The following USP28 variants were observed in gnomAD, a reference collection of about 807,000 sequenced individuals.
USP28 encodes ubiquitin carboxyl-terminal hydrolase 28.
A neutral mutation model predicts 145.0 loss-of-function variants in USP28; 113 were observed. The ratio of observed to expected loss-of-function variants is 0.78; its 90% CI spans 0.67 to 0.91. USP28 has a LOEUF of 0.91. Among genes scored for constraint, USP28 ranks in the 40% least tolerant of loss-of-function variants. The pLI is 0.00. For missense variants in USP28, 1,201 were observed against 1,289.6 expected (o/e 0.93, Z 1.05); for synonymous variants, 447 against 450.9 (o/e 0.99, Z 0.11).
intron 3 of USP28, among the ~76,000 whole-genome samples, chr11:113,846,076 TAAGTGA>T (rs1338622689): frequency 6.6e-6 from 1 of 152,188 alleles, no homozygotes; most frequent in Non-Finnish European, 1.5e-5. Context: ...AAGACATTGG[TAAGTGA>T]AATAAGCCCA....
chr11:113,860,712 G>A (rs888159041), intron 1 of USP28, among the ~76,000 whole-genome samples: 5 of 151,950 alleles, frequency 3.3e-5, no homozygotes, highest in African/African-American at 4.8e-5. Flanking sequence ...CCAGCTACTC[G>A]GGAGGCTGAG....
chr11:113,857,816 CA>C (rs1267288469), intron 1 of USP28, among the ~76,000 whole-genome samples: 21 of 152,116 alleles, frequency 1.4e-4, no homozygotes, highest in African/African-American at 5.1e-4. Flanking sequence ...CAGTGGACAT[CA>C]ATATATCTGG....
intron 5 of USP28, among the ~76,000 whole-genome samples, chr11:113,834,959 C>T (rs1944405032): frequency 1.3e-5 from 2 of 152,026 alleles, no homozygotes; most frequent in South Asian, 4.1e-4. Flanking sequence ...AACAATACTA[C>T]GTATTGTTCA....
At chr11:113,873,641 A>ATGAT (rs1195695913) in intron 1 of USP28, among the ~76,000 whole-genome samples, 3 of 152,212 alleles carry the variant, frequency 2.0e-5, no homozygotes, top group African/African-American at 7.2e-5. Flanking sequence ...CTAAATCAAT[A>ATGAT]TGATAGTCTC....
chr11:113,838,008 A>G (rs1308387575), intron 5 of USP28, among the ~76,000 whole-genome samples: 1 of 151,728 alleles, frequency 6.6e-6, no homozygotes, highest in Non-Finnish European at 1.5e-5. Context: ...AAAAAAAAAG[A>G]CTAGACACTA....
intron 3 of USP28, among the ~76,000 whole-genome samples, chr11:113,845,372 G>A (rs1230002527): frequency 6.6e-6 from 1 of 151,594 alleles, no homozygotes; most frequent in Non-Finnish European, 1.5e-5. Flanking sequence ...GGAGGTGGAG[G>A]CTCCACTGAG....
At chr11:113,856,816 G>C (rs1012411417) in intron 1 of USP28, among the ~76,000 whole-genome samples, 2 of 151,988 alleles carry the variant, frequency 1.3e-5, no homozygotes, top group Non-Finnish European at 2.9e-5. Context: ...GGGTTCAAGC[G>C]ATTCTCCTGC....
rs1946582227 is a variant in USP28, at chr11:113,852,506, A to C, written c.263T>G (p.Leu88Ter). 6.2e-7 allele frequency: 1 copy of C among 1,614,038 alleles called. No individual in the cohort carries two copies. The highest frequency in any genetic ancestry group is 8.5e-7 in the Non-Finnish European group (1 of 1,180,028). Residue 88 changes from leucine (L) to a stop codon, truncating the protein, a stop_gained, in exon 3 of 25, where the codon TTA (leucine) becomes TGA (stop). Transcript: ENST00000003302. LOFTEE classifies it high-confidence loss of function. ...ACAGGATATATGGTACCTACTTGCT[A>C]ATACTTCCTTGTTGGCAGCACTCCC...
chr11:113,808,507 A>T (rs1940424025), intron 17 of USP28, 70 bp from the exon 18 acceptor site: 1 of 1,548,640 alleles, frequency 6.5e-7, no homozygotes, highest in Non-Finnish European at 8.8e-7. Context: ...ATAAAAAGCA[A>T]GCAGAATGTA....
chr11:113,805,217 G>A (rs1331822729), intron 19 of USP28, among the ~76,000 whole-genome samples, 171 bp from the exon 21 acceptor site: 1 of 150,884 alleles, frequency 6.6e-6, no homozygotes, highest in Non-Finnish European at 1.5e-5. Flanking sequence ...TTTCATAAGG[G>A]ATGAAACTCT....
At chr11:113,821,262 A>C (rs1268543142) in intron 12 of USP28, 1 of 221,600 alleles carries the variant, frequency 4.5e-6, no homozygotes, top group African/African-American at 2.3e-5. Context: ...GCCAGGGGGA[A>C]GGATGTACTC....
At chr11:113,802,872 T>G (rs1383711174) in intron 23 of USP28, among the ~76,000 whole-genome samples, 1 of 152,034 alleles carries the variant, frequency 6.6e-6, no homozygotes, top group African/African-American at 2.4e-5. Flanking sequence ...TACAACCTAG[T>G]AGGAAAGCAA....
At chr11:113,834,172 C>T (rs878933200) in intron 6 of USP28, 77 bp downstream of exon 6, 3 of 1,131,108 alleles carry the variant, frequency 2.7e-6, no homozygotes, top group African/African-American at 3.2e-5. Context: ...CGGATATCAG[C>T]TTTAGGCAAA....
At chr11:113,809,692 G>A (rs1448791254) in intron 16 of USP28, among the ~76,000 whole-genome samples, 3 of 152,182 alleles carry the variant, frequency 2.0e-5, no homozygotes, top group Admixed American at 1.3e-4. Context: ...CATTTAGTAG[G>A]CACTCATTAA....
intron 12 of USP28, 23 bp from the exon 13 acceptor site, chr11:113,817,860 C>A: frequency 2.5e-6 from 4 of 1,610,344 alleles, no homozygotes; most frequent in Non-Finnish European, 3.4e-6. Context: ...GACAGTGGTA[C>A]TCTACTGCCC....
At chr11:113,827,325 A>G in exon 11 of USP28, 2 of 1,612,172 alleles carry the variant, frequency 1.2e-6, no homozygotes, top group Non-Finnish European at 1.7e-6. Flanking sequence ...TTGAGAGTTC[A>G]AAGGTCAACA....
At chr11:113,868,623 G>A (rs143892168) in intron 1 of USP28, among the ~76,000 whole-genome samples, 198 of 151,894 alleles carry the variant, frequency 1.3e-3, no homozygotes, top group African/African-American at 4.1e-3. Flanking sequence ...AATCTCATAC[G>A]AATAAAGAAA....
In USP28 at chr11:113,865,236, G is replaced by A. The variant is rs547779901; in HGVS notation, c.57+10209C>T. 2.0e-3 allele frequency among the ~76,000 whole-genome samples: 309 copies of A among 152,288 alleles called. 1 individual carries two copies. Among genetic ancestry groups the A allele is most frequent in the Middle Eastern group, 0.01 (3 of 294 alleles). ...AATTCCAATGGTCCTTTGTGTGTGC[G>A]TGTGGCTGGGGGTTGCGGGGAACTC... On this transcript the variant is annotated intron_variant, in intron 1 of 24. Coordinates refer to ENST00000003302, the Ensembl canonical transcript of USP28.
At chr11:113,802,314 C>T (rs1428622738) in intron 23 of USP28, among the ~76,000 whole-genome samples, 2 of 152,200 alleles carry the variant, frequency 1.3e-5, no homozygotes, top group Admixed American at 1.3e-4. Context: ...AGTGGCCCTG[C>T]CACACCTATA....
Sources: allele counts gnomAD v4.1 joint callset (sites outside exome capture counted in the v4.1 genomes callset), GRCh38; gene constraint gnomAD v4.1.1; transcripts MANE v1.5; gene names NCBI Gene and HGNC (gene_info 2026-07-23, HGNC 2026-07-21).